The following LIN7A variants were observed in gnomAD, a reference collection of about 807,000 sequenced individuals.
LIN7A encodes lin-7 cell polarity scaffold A.
LIN7A carries 25 observed loss-of-function variants against 29.8 expected under a neutral mutation model. The observed-to-expected ratio is 0.84, with a 90% CI of 0.61 to 1.17. The LOEUF is 1.17. Among genes scored for constraint, LIN7A ranks in the 50% most tolerant of loss-of-function variants. LIN7A has a pLI of 0.00. For synonymous variants in LIN7A, 118 were observed against 107.5 expected (o/e 1.10, Z -0.60); for missense variants, 239 against 287.0 (o/e 0.83, Z 1.21).
At chr12:80,869,912 G>A (rs1874343378) in intron 2 of LIN7A, among the ~76,000 whole-genome samples, 1 of 152,264 alleles carries the variant, frequency 6.6e-6, no homozygotes, top group South Asian at 2.1e-4. Context: ...TATAGAGTCA[G>A]ATACTTCCAA....
rs139087513 is a variant in LIN7A, at chr12:80,894,064, A to G, written c.83-4695T>C. 3.5e-3 allele frequency among the ~76,000 whole-genome samples: 535 copies of G among 152,310 alleles called. 4 individuals are homozygous for G. The highest frequency in any genetic ancestry group is 0.021 in the South Asian group (103 of 4,832). On this transcript the variant is annotated intron_variant, in intron 1 of 5. Coordinates refer to ENST00000552864, the MANE Select transcript of LIN7A (RefSeq NM_004664.4). ...CTTAAGTTCTATAAGAATATCAGAA[A>G]CCTGCAAGGCTAGGTTCCAGAAGGA...
At chr12:80,801,638 G>A (rs1870726415) in intron 5 of LIN7A, among the ~76,000 whole-genome samples, 2 of 152,088 alleles carry the variant, frequency 1.3e-5, no homozygotes, top group Non-Finnish European at 2.9e-5. Context: ...GATTAAACCA[G>A]ATAAAATAAT....
intron 5 of LIN7A, among the ~76,000 whole-genome samples, chr12:80,801,220 T>G (rs1870705746): frequency 1.3e-5 from 2 of 152,158 alleles, no homozygotes; most frequent in African/African-American, 4.8e-5. Context: ...AATGAAAAAG[T>G]GTCACTTTCA....
chr12:80,816,925 T>G (rs1051927718), intron 4 of LIN7A, among the ~76,000 whole-genome samples: 1 of 152,184 alleles, frequency 6.6e-6, no homozygotes, highest in Non-Finnish European at 1.5e-5. Flanking sequence ...CCTGCCACCA[T>G]GCCCAGCTAC....
At chr12:80,845,460 A>C in intron 4 of LIN7A, 1 of 341,706 alleles carries the variant, frequency 2.9e-6, no homozygotes, top group East Asian at 5.0e-5. Context: ...TGTTACTTGG[A>C]GTATTATGGG....
chr12:80,935,012 A>G (rs1271899897), intron 1 of LIN7A, among the ~76,000 whole-genome samples: 1 of 152,186 alleles, frequency 6.6e-6, no homozygotes, highest in Non-Finnish European at 1.5e-5. Flanking sequence ...CATCCTTTCC[A>G]TGGTTAAAAT....
intron 2 of LIN7A, among the ~76,000 whole-genome samples, chr12:80,849,824 A>T (rs1873244431): frequency 6.6e-6 from 1 of 152,150 alleles, no homozygotes; most frequent in African/African-American, 2.4e-5. Flanking sequence ...TAATATGATG[A>T]TAAAAGGTCA....
chr12:80,813,018 TA>T (rs1240714718), intron 4 of LIN7A, among the ~76,000 whole-genome samples: 3 of 151,846 alleles, frequency 2.0e-5, no homozygotes, highest in African/African-American at 2.4e-5. Flanking sequence ...TATACAGATA[TA>T]TTTTTTTTTG....
intron 1 of LIN7A, among the ~76,000 whole-genome samples, chr12:80,932,273 G>C (rs1184106262): frequency 6.6e-6 from 1 of 152,122 alleles, no homozygotes; most frequent in African/African-American, 2.4e-5. Flanking sequence ...TCTTATACTT[G>C]TTTTCCATAA....
intron 4 of LIN7A, among the ~76,000 whole-genome samples, chr12:80,813,254 G>T (rs1300897527): frequency 6.6e-6 from 1 of 152,074 alleles, no homozygotes; most frequent in Non-Finnish European, 1.5e-5. Context: ...CTTGTGATCC[G>T]CCCACCTCGG....
intron 1 of LIN7A, among the ~76,000 whole-genome samples, chr12:80,925,247 A>G (rs180718280): frequency 1.3e-5 from 2 of 152,370 alleles, no homozygotes; most frequent in East Asian, 1.9e-4. Flanking sequence ...ATTATTTAAA[A>G]TGTGTTAATT....
chr12:80,888,425 T>C (rs763056359), intron 2 of LIN7A, among the ~76,000 whole-genome samples: 3 of 152,116 alleles, frequency 2.0e-5, no homozygotes, highest in Non-Finnish European at 4.4e-5. Flanking sequence ...CAAGCATTCA[T>C]TGGAGGTGCC....
intron 2 of LIN7A, among the ~76,000 whole-genome samples, chr12:80,864,542 A>G (rs1242073840): frequency 6.6e-6 from 1 of 152,202 alleles, no homozygotes; most frequent in East Asian, 1.9e-4. Flanking sequence ...CTGCATCATT[A>G]TCACTACTGT....
At chr12:80,883,904 G>A (rs1875194881) in intron 2 of LIN7A, among the ~76,000 whole-genome samples, 1 of 152,176 alleles carries the variant, frequency 6.6e-6, no homozygotes, top group Admixed American at 6.5e-5. Context: ...GCATTGTGGT[G>A]AAAATTCCCA....
At chr12:80,926,079 G>A (rs902963433) in intron 1 of LIN7A, among the ~76,000 whole-genome samples, 3 of 152,138 alleles carry the variant, frequency 2.0e-5, no homozygotes, top group African/African-American at 7.2e-5. Context: ...TCCTTGGAGA[G>A]CCCTTCCAGA....
At chr12:80,865,561 T>C (rs926380686) in intron 2 of LIN7A, among the ~76,000 whole-genome samples, 2 of 152,160 alleles carry the variant, frequency 1.3e-5, no homozygotes, top group Non-Finnish European at 2.9e-5. Flanking sequence ...TAGACAACAA[T>C]GTAGTGTGAT....
At chr12:80,840,378 T>C (rs1016685869) in intron 4 of LIN7A, among the ~76,000 whole-genome samples, 1 of 152,310 alleles carries the variant, frequency 6.6e-6, no homozygotes, top group East Asian at 1.9e-4. Context: ...GCAGTAAAGG[T>C]TGAAATCCAC....
intron 4 of LIN7A, among the ~76,000 whole-genome samples, chr12:80,840,968 G>A (rs1202387371): frequency 2.6e-5 from 4 of 152,124 alleles, no homozygotes; most frequent in African/African-American, 9.7e-5. Flanking sequence ...GTGTTTAAAA[G>A]CTCTTTATTA....
chr12:80,805,458 C>G (rs1008607039), intron 5 of LIN7A, among the ~76,000 whole-genome samples: 3 of 152,034 alleles, frequency 2.0e-5, no homozygotes, highest in African/African-American at 7.2e-5. Context: ...CAAATGCCAG[C>G]AACTTTGTAA....
Sources: gnomAD v4.1 joint callset for allele counts (sites outside exome capture counted in the v4.1 genomes callset) on GRCh38, gnomAD v4.1.1 for gene constraint, MANE v1.5 for transcripts, NCBI Gene and HGNC (gene_info 2026-07-23, HGNC 2026-07-21) for gene names.